The following C9orf85 variants were observed in gnomAD, a reference collection of about 807,000 sequenced individuals.
C9orf85 encodes the protein chromosome 9 open reading frame 85.
Under a neutral mutation model 14.9 loss-of-function variants are expected in C9orf85, and 16 were observed. That is an observed-to-expected ratio of 1.08 (90% CI 0.73 to 1.63). The LOEUF (loss-of-function observed/expected upper bound fraction) is 1.63. C9orf85 is among the 40% of genes most tolerant of loss of function. The pLI is 0.00. For missense variants in C9orf85, 172 were observed against 186.1 expected (o/e 0.92, Z 0.44); for synonymous variants, 45 against 56.8 (o/e 0.79, Z 0.93).
At chr9:71,969,951 C>T (rs1322282317) in intron 2 of C9orf85, among the ~76,000 whole-genome samples, 2 of 148,004 alleles carry the variant, frequency 1.4e-5, no homozygotes. Context: ...AGGGTTTTTT[C>T]TTTTTTTTTT....
intron 1 of C9orf85, among the ~76,000 whole-genome samples, chr9:71,944,834 T>C (rs945976120): frequency 6.6e-6 from 1 of 152,172 alleles, no homozygotes; most frequent in African/African-American, 2.4e-5. Context: ...CAAGTTTAAT[T>C]TGATAGTAGT....
At position 71,942,425 on chromosome 9, in the gene C9orf85, A is replaced by G. The variant is rs548550767; in HGVS notation, c.103-4581A>G. Among the ~76,000 whole-genome samples, 20 of 152,288 alleles carry G rather than the reference A, an allele frequency of 1.3e-4. 1 individual carries two copies. In the South Asian group the frequency reaches 4.2e-3, roughly 32 times the overall value. On this transcript the variant is annotated intron_variant, in intron 1 of 3. Transcript: ENST00000334731. The stretch of plus-strand genomic sequence containing the variant: ...AAAGCTCAGATTTCATTTGTGGCCC[A>G]TCTCTAACAAGTGCACTTTCCAGCT...
intron 3 of C9orf85, 114 bp downstream of exon 3, chr9:71,971,732 G>C: frequency 1.6e-6 from 1 of 637,768 alleles, no homozygotes. Flanking sequence ...CCAGTACTTT[G>C]GGAGGCCAAG....
intron 3 of C9orf85, among the ~76,000 whole-genome samples, chr9:71,979,515 G>A (rs1425574462): frequency 2.0e-5 from 3 of 152,078 alleles, no homozygotes; most frequent in Admixed American, 6.6e-5. Flanking sequence ...ACCTGGAGAC[G>A]GAATTCCTAT....
At chr9:71,911,927 C>A in intron 1 of C9orf85, 91 bp downstream of exon 1, 2 of 1,118,554 alleles carry the variant, frequency 1.8e-6, no homozygotes. Context: ...TCGGCTGGGG[C>A]GAGTGTGGAC....
rs370830834 is a variant in C9orf85, at chr9:71,968,543, G to T, written c.210-2962G>T. Among the ~76,000 whole-genome samples the T allele has an allele frequency of 1.1e-4, 16 of 151,986 alleles. 1 individual carries two copies. Among genetic ancestry groups the T allele is most frequent in the Admixed American group, 5.2e-4 (8 of 15,256 alleles). ...GATATTCTTTCTTTGCAAAACTTTGGCTATTTCTACAGAGTTGTTGGGCTT... is the reference window on the plus strand; with the variant it reads ...GATATTCTTTCTTTGCAAAACTTTGTCTATTTCTACAGAGTTGTTGGGCTT... On this transcript the variant is annotated intron_variant, in intron 2 of 3. Coordinates refer to ENST00000334731, the MANE Select transcript of C9orf85 (RefSeq NM_182505.5).
intron 1 of C9orf85, among the ~76,000 whole-genome samples, chr9:71,929,559 T>A: frequency 6.6e-6 from 1 of 152,256 alleles, no homozygotes; most frequent in East Asian, 1.9e-4. Flanking sequence ...GAAAACTATA[T>A]CCTCCTCTCT....
At chr9:71,923,987 GGT>G (rs1460218395) in intron 1 of C9orf85, among the ~76,000 whole-genome samples, 1 of 152,154 alleles carries the variant, frequency 6.6e-6, no homozygotes, top group Non-Finnish European at 1.5e-5. Context: ...GACAGATACA[GGT>G]ACCCAGATGA....
intron 2 of C9orf85, among the ~76,000 whole-genome samples, chr9:71,959,782 G>A (rs776863843): frequency 1.3e-5 from 2 of 152,122 alleles, no homozygotes; most frequent in Non-Finnish European, 2.9e-5. Context: ...TTCACGTGTT[G>A]TATTAAGAAC....
chr9:71,978,173 G>A (rs186099638), downstream of C9orf85, among the ~76,000 whole-genome samples: 248 of 152,232 alleles, frequency 1.6e-3, 1 homozygote, highest in African/African-American at 5.8e-3. Flanking sequence ...GCAGTGGCGC[G>A]ATCTCAGCTC....
chr9:71,934,937 C>G (rs1305182660), intron 1 of C9orf85, among the ~76,000 whole-genome samples: 2 of 151,986 alleles, frequency 1.3e-5, no homozygotes, highest in Non-Finnish European at 2.9e-5. Context: ...AGAAACAGCC[C>G]AATTCAAAAA....
At chr9:71,919,117 T>C (rs1827729098) in intron 1 of C9orf85, among the ~76,000 whole-genome samples, 1 of 152,220 alleles carries the variant, frequency 6.6e-6, no homozygotes, top group Non-Finnish European at 1.5e-5. Flanking sequence ...TGGGTTGTGA[T>C]GCCTGACACT....
chr9:71,955,221 T>G (rs1364021521), intron 2 of C9orf85, among the ~76,000 whole-genome samples: 1 of 152,192 alleles, frequency 6.6e-6, no homozygotes, highest in Non-Finnish European at 1.5e-5. Flanking sequence ...CATTCATTAC[T>G]TATATTTGTT....
At chr9:71,911,917 T>A in intron 1 of C9orf85, 81 bp downstream of exon 1, 1 of 1,275,858 alleles carries the variant, frequency 7.8e-7, no homozygotes, top group Non-Finnish European at 1.1e-6. Flanking sequence ...ATGAGAGGAG[T>A]CGGCTGGGGC....
chr9:71,919,216 T>C (rs1827730840), intron 1 of C9orf85, among the ~76,000 whole-genome samples: 1 of 152,230 alleles, frequency 6.6e-6, no homozygotes, highest in East Asian at 1.9e-4. Context: ...AGGGTCTTTG[T>C]CCTGTCTCCC....
chr9:71,912,723 A>G (rs916615538), intron 1 of C9orf85, among the ~76,000 whole-genome samples: 13 of 152,154 alleles, frequency 8.5e-5, no homozygotes, highest in African/African-American at 2.2e-4. Flanking sequence ...CCAATCTGCT[A>G]AAAATACAAA....
chr9:71,964,813 G>T (rs1428057962), intron 2 of C9orf85, among the ~76,000 whole-genome samples: 2 of 152,224 alleles, frequency 1.3e-5, no homozygotes, highest in East Asian at 3.8e-4. Context: ...GCCATGTGGT[G>T]AGTGTTATAG....
downstream of C9orf85, among the ~76,000 whole-genome samples, chr9:71,975,928 C>T (rs1223851152): frequency 6.6e-6 from 1 of 152,164 alleles, no homozygotes; most frequent in Non-Finnish European, 1.5e-5. Flanking sequence ...GATTAAGGAG[C>T]CAACTAAAGT....
At chr9:71,913,284 T>C (rs1827562661) in intron 1 of C9orf85, among the ~76,000 whole-genome samples, 1 of 152,212 alleles carries the variant, frequency 6.6e-6, no homozygotes, top group African/African-American at 2.4e-5. Context: ...TTGCTTATTC[T>C]ACAAATATTT....
Sources: gnomAD v4.1 joint callset for allele counts (sites outside exome capture counted in the v4.1 genomes callset) on GRCh38, gnomAD v4.1.1 for gene constraint, MANE v1.5 for transcripts, NCBI Gene and HGNC (gene_info 2026-07-23, HGNC 2026-07-21) for gene names.